The following SHISAL1 variants were observed in gnomAD, a reference collection of about 807,000 sequenced individuals.
The protein encoded by SHISAL1 is protein shisa-like-1.
In SHISAL1, 9 loss-of-function variants were observed where a neutral mutation model predicts 22.6. The observed-to-expected ratio is 0.40, with a 90% confidence interval of 0.24 to 0.70. The LOEUF is 0.70. Ranked by LOEUF, SHISAL1 falls within the 30% of genes least tolerant of loss-of-function variation. SHISAL1 has a pLI of 0.39. For missense variants in SHISAL1, 246 were observed against 270.6 expected, an observed-to-expected ratio of 0.91 and a Z score of 0.64; for synonymous variants, 119 against 115.4, an observed-to-expected ratio of 1.03 and a Z score of -0.20.
At chr22:44,250,174 T>A (rs1348782693) in intron 4 of SHISAL1, among the ~76,000 whole-genome samples, 1 of 152,236 alleles carries the variant, frequency 6.6e-6, no homozygotes, top group African/African-American at 2.4e-5. Context: ...TAATTTTTAA[T>A]GTTGTTCCCC....
rs2147311480 is a variant in SHISAL1 at position 44,310,098 on chromosome 22, A to G, written c.-33+2653T>C. 6.6e-6 allele frequency among the ~76,000 whole-genome samples: 1 copy of G among 152,334 alleles called. No individual in the cohort carries two copies. Among genetic ancestry groups the G allele is most frequent in the Admixed American group, 6.5e-5 (1 of 15,296 alleles). On this transcript the variant is annotated intron_variant, in intron 1 of 4. Transcript: ENST00000381176. The surrounding 1 kb of genome is among the most constrained non-coding windows in gnomAD (Gnocchi z 4.0). The stretch of plus-strand genomic sequence containing the variant: ...CGGCTGACAGTGAGTGAGAAGGGCC[A>G]GCACCTCACACCCTAGTAACGGCCA...
At chr22:44,252,243 T>C (rs2055052867) in intron 4 of SHISAL1, among the ~76,000 whole-genome samples, 1 of 152,058 alleles carries the variant, frequency 6.6e-6, no homozygotes, top group Admixed American at 6.5e-5. Context: ...AGTTTAAAAT[T>C]AGAGGCATCA....
rs1324126694 is a variant in SHISAL1, at chr22:44,245,436, G to A, written c.*4249C>T. The A allele has an allele frequency of 6.6e-6, 1 of 152,222 alleles. No homozygotes were observed. The highest frequency in any genetic ancestry group is 1.5e-5 in the Non-Finnish European group (1 of 68,064). 9.4% of individuals were successfully genotyped at this position (152,222 alleles called of 1,614,324 possible). ...TTCATGTTATGTTAATTTCAAACAT[G>A]GGAGAAATCTGTAAATTCACTTCCG... On this transcript the variant is annotated 3_prime_UTR_variant, in exon 5 of 5. Coordinates refer to ENST00000381176, the MANE Select transcript of SHISAL1 (RefSeq NM_001099294.2).
At chr22:44,289,496 T>TGTGTGTGTGTGTGTGTGTGTGTGTGTGTG (rs768987294) in intron 3 of SHISAL1, among the ~76,000 whole-genome samples, 27 of 137,866 alleles carry the variant, frequency 2.0e-4, no homozygotes, top group African/African-American at 6.9e-4. Context: ...GTGTGTGTGT[T>TGTGTGTGTGTGTGTGTGTGTGTGTGTGTG]TACTGCCGGG....
intron 4 of SHISAL1, among the ~76,000 whole-genome samples, chr22:44,280,944 G>A (rs138341150): frequency 7.2e-5 from 11 of 152,198 alleles, no homozygotes; most frequent in South Asian, 4.1e-4. Flanking sequence ...CCATGAGAGC[G>A]GCACCTCCCA....
At chr22:44,317,607 G>T, upstream of SHISAL1, among the ~76,000 whole-genome samples, 1 of 152,352 alleles carries the variant, frequency 6.6e-6, no homozygotes, top group East Asian at 1.9e-4. Flanking sequence ...TGTGGTCTCT[G>T]GTCTCAGGTT....
At chr22:44,300,758 G>C (rs1343996751) in intron 2 of SHISAL1, 121 bp downstream of exon 2, 4 of 780,778 alleles carry the variant, frequency 5.1e-6, no homozygotes, top group Non-Finnish European at 8.6e-6. Context: ...TGCCAGTAAG[G>C]TGGAGGACAA....
At chr22:44,293,070 G>A (rs1185428493) in intron 3 of SHISAL1, among the ~76,000 whole-genome samples, 3 of 152,276 alleles carry the variant, frequency 2.0e-5, no homozygotes, top group Admixed American at 1.3e-4. Flanking sequence ...TTTATTCCCC[G>A]CTTCCCCTTG....
chr22:44,269,258 CCACA>C (rs1038090623), intron 4 of SHISAL1, among the ~76,000 whole-genome samples: 14 of 151,306 alleles, frequency 9.3e-5, no homozygotes, highest in Non-Finnish European at 2.1e-4. Context: ...TACACACACG[CCACA>C]CAGACACCCA....
intron 3 of SHISAL1, among the ~76,000 whole-genome samples, 154 bp from the exon 4 acceptor site, chr22:44,285,899 C>T (rs1405594827): frequency 6.6e-6 from 1 of 152,164 alleles, no homozygotes; most frequent in Non-Finnish European, 1.5e-5. Context: ...GGGGCCTTGG[C>T]TCCCTCTCCT....
chr22:44,278,007 GT>G (rs2055251868), intron 4 of SHISAL1, among the ~76,000 whole-genome samples: 4 of 152,198 alleles, frequency 2.6e-5, no homozygotes, highest in African/African-American at 9.7e-5. Context: ...TTAATACTGA[GT>G]GTCAACTTGA....
At chr22:44,286,058 G>A (rs976858944) in intron 3 of SHISAL1, among the ~76,000 whole-genome samples, 7 of 152,196 alleles carry the variant, frequency 4.6e-5, no homozygotes, top group African/African-American at 1.7e-4. Flanking sequence ...GCTGGCATCT[G>A]GGGCTCCCAG....
chr22:44,303,684 C>T (rs2055449610), intron 1 of SHISAL1, among the ~76,000 whole-genome samples: 2 of 152,186 alleles, frequency 1.3e-5, no homozygotes, highest in African/African-American at 4.8e-5. Context: ...CCCGAGCAAA[C>T]AGGTACAGCC....
chr22:44,270,385 C>T (rs182952146), intron 4 of SHISAL1, among the ~76,000 whole-genome samples: 176 of 152,290 alleles, frequency 1.2e-3, no homozygotes, highest in African/African-American at 4.0e-3. Context: ...GTGACAAGGA[C>T]GTGTCCCTTA....
chr22:44,326,247 G>C, the SHISAL1 span, among the ~76,000 whole-genome samples: 1 of 152,146 alleles, frequency 6.6e-6, no homozygotes, highest in Non-Finnish European at 1.5e-5. Context: ...GAAGGAATTT[G>C]CCTTTATTTT....
At chr22:44,270,273 A>G (rs1026981954) in intron 4 of SHISAL1, among the ~76,000 whole-genome samples, 6 of 152,166 alleles carry the variant, frequency 3.9e-5, no homozygotes, top group Non-Finnish European at 7.3e-5. Flanking sequence ...CAACGTTGAG[A>G]TGTCCCACAG....
intron 3 of SHISAL1, among the ~76,000 whole-genome samples, chr22:44,295,822 G>A (rs956180990): frequency 5.3e-5 from 8 of 152,176 alleles, no homozygotes; most frequent in African/African-American, 1.9e-4. Flanking sequence ...ATAGAGAAAC[G>A]CATGCTGTTT....
chr22:44,269,320 CCCA>C (rs1183680523), intron 4 of SHISAL1, among the ~76,000 whole-genome samples: 1 of 147,228 alleles, frequency 6.8e-6, no homozygotes. Flanking sequence ...TGCACAGACA[CCCA>C]CAATATACAC....
chr22:44,251,094 C>T (rs897768517), intron 4 of SHISAL1, among the ~76,000 whole-genome samples: 6 of 152,194 alleles, frequency 3.9e-5, no homozygotes, highest in South Asian at 2.1e-4. Flanking sequence ...CACACACCTC[C>T]ATCCAGCATA....
Sources: allele counts gnomAD v4.1 joint callset (sites outside exome capture counted in the v4.1 genomes callset), GRCh38; gene constraint gnomAD v4.1.1; non-coding constraint Gnocchi (gnomAD v3.1); transcripts MANE v1.5; gene names NCBI Gene and HGNC (gene_info 2026-07-23, HGNC 2026-07-21).